The following MYO9A variants were observed in gnomAD, a reference collection of about 807,000 sequenced individuals.
The protein encoded by MYO9A is myosin IXA.
A neutral mutation model predicts 293.3 loss-of-function variants in MYO9A; 103 were observed. That is an observed-to-expected ratio of 0.35 (90% CI 0.30 to 0.41). The LOEUF is 0.41. Among genes scored for constraint, MYO9A ranks in the 10% least tolerant of loss-of-function variants. The pLI is 1.00. For synonymous variants in MYO9A, 1,001 were observed against 1,035.7 expected (o/e 0.97, Z 0.64); for missense variants, 2,685 against 3,033.0 (o/e 0.89, Z 2.69).
intron 18 of MYO9A, 102 bp downstream of exon 18, chr15:71,933,568 A>G: frequency 9.1e-7 from 1 of 1,098,882 alleles, no homozygotes; most frequent in Non-Finnish European, 1.4e-6. Flanking sequence ...TTGGATACAA[A>G]TAAGGTTATT....
chr15:72,071,668 T>C (rs533071241), intron 1 of MYO9A, among the ~76,000 whole-genome samples: 1 of 151,854 alleles, frequency 6.6e-6, no homozygotes, highest in African/African-American at 2.4e-5. Flanking sequence ...GGCAGGAAAA[T>C]TGCTTAAGCC....
At chr15:71,965,183 T>C (rs893994191) in intron 13 of MYO9A, among the ~76,000 whole-genome samples, 2 of 152,002 alleles carry the variant, frequency 1.3e-5, no homozygotes, top group African/African-American at 2.4e-5. Flanking sequence ...CAGAAGAGTT[T>C]TGCTTAGTTT....
At chr15:71,893,242 G>A (rs549678541) in intron 26 of MYO9A, 1 of 1,160,178 alleles carries the variant, frequency 8.6e-7, no homozygotes, top group African/African-American at 1.6e-5. Context: ...TTTTTGAGAT[G>A]ATGCCAATGA....
intron 1 of MYO9A, among the ~76,000 whole-genome samples, chr15:72,083,049 A>AG (rs2079601657): frequency 6.6e-6 from 1 of 151,914 alleles, no homozygotes; most frequent in African/African-American, 2.4e-5. Context: ...TGAGTTAAGG[A>AG]GGGGTCCCTC....
At chr15:71,939,113 T>G in intron 15 of MYO9A, 186 bp from the exon 16 acceptor site, 1 of 495,766 alleles carries the variant, frequency 2.0e-6, no homozygotes, top group Non-Finnish European at 3.5e-6. Context: ...TGAACCCAAT[T>G]AGAAAATTTA....
In MYO9A at chr15:72,003,285, T is replaced by TA. The variant is rs564320687; in HGVS notation, c.1381-3346dup. Among the ~76,000 whole-genome samples the TA allele has an allele frequency of 9.3e-3, 1,097 of 117,700 alleles. 9 individuals are homozygous for TA. Among genetic ancestry groups the TA allele is most frequent in the African/African-American group, 0.031 (989 of 31,890 alleles). 77.2% of individuals were successfully genotyped at this position (117,700 alleles called of 152,430 possible). A position where few individuals can be genotyped will look rare whatever the true frequency, so the allele number is the denominator to read the frequency against. ...ATACCGTCTCAAAAAAAAAAAAAAG[T>TA]AAAAAAAAAATAAAAGACAAATCTC... is the stretch of plus-strand genomic sequence containing the variant. On this transcript the variant is annotated intron_variant, in intron 8 of 41. Transcript: ENST00000356056.
At chr15:71,848,742 T>TA in intron 39 of MYO9A, 103 bp downstream of exon 39, 1 of 1,351,522 alleles carries the variant, frequency 7.4e-7, no homozygotes, top group Non-Finnish European at 9.8e-7. Context: ...ACTTGTTTTT[T>TA]ATAAAAAAGA....
intron 1 of MYO9A, among the ~76,000 whole-genome samples, chr15:72,057,441 ACT>A (rs1416467883): frequency 2.6e-5 from 4 of 152,158 alleles, no homozygotes; most frequent in African/African-American, 9.7e-5. Flanking sequence ...CTTCAAAATT[ACT>A]GTTTTCCTTT....
intron 2 of MYO9A, among the ~76,000 whole-genome samples, chr15:72,034,289 C>G (rs985934077): frequency 2.0e-5 from 3 of 152,154 alleles, no homozygotes; most frequent in African/African-American, 7.2e-5. Context: ...TATAAAACCC[C>G]CTTCGAGTGG....
chr15:72,077,142 G>A (rs1047816880), intron 1 of MYO9A, among the ~76,000 whole-genome samples: 5 of 152,152 alleles, frequency 3.3e-5, no homozygotes, highest in Non-Finnish European at 7.3e-5. Flanking sequence ...GACAGCATGG[G>A]GGAAAATCTT....
chr15:72,018,998 C>G, intron 6 of MYO9A, 41 bp downstream of exon 6: 2 of 1,541,262 alleles, frequency 1.3e-6, no homozygotes, highest in Non-Finnish European at 1.8e-6. Context: ...ATGTGAGGAC[C>G]CTTTGACAGA....
chr15:72,080,308 T>TC (rs58794984), intron 1 of MYO9A, among the ~76,000 whole-genome samples: 10 of 61,362 alleles, frequency 1.6e-4, no homozygotes, highest in East Asian at 7.0e-4. Context: ...CATGCTTCTC[T>TC]TTTTTTTTTT....
rs747952172 is a variant in MYO9A at position 72,019,107 on chromosome 15, G to A, written c.1099-12C>T. On this transcript the variant is annotated splice_polypyrimidine_tract_variant and intron_variant, in intron 5 of 41. Coordinates refer to ENST00000356056, the MANE Select transcript of MYO9A (RefSeq NM_006901.4). Reference sequence around the variant, plus strand: ...GGTTTCTTTGTTATCTGAAAGTAAGGCAGATTAGTTAGGTAGAAGTAATGG... The same window carrying A: ...GGTTTCTTTGTTATCTGAAAGTAAGACAGATTAGTTAGGTAGAAGTAATGG... 3 of 1,610,158 alleles carry A rather than the reference G, an allele frequency of 1.9e-6. No individual in the cohort carries two copies. Among genetic ancestry groups the A allele is most frequent in the Admixed American group, 1.7e-5 (1 of 60,002 alleles).
chr15:72,021,831 G>C (rs572135654), intron 4 of MYO9A, among the ~76,000 whole-genome samples: 48 of 152,238 alleles, frequency 3.2e-4, no homozygotes, highest in African/African-American at 1.1e-3. Context: ...AGGGTTGTGT[G>C]TGCTCTCAGA....
intron 1 of MYO9A, among the ~76,000 whole-genome samples, chr15:72,105,578 G>A (rs1193305373): frequency 1.4e-5 from 2 of 147,856 alleles, no homozygotes; most frequent in Non-Finnish European, 3.0e-5. Flanking sequence ...CATGATCTTG[G>A]CTCACCGCAA....
chr15:72,118,083 C>T lies in MYO9A; in HGVS notation c.-475G>A. 1 of 393,550 alleles carries T rather than the reference C, an allele frequency of 2.5e-6. No homozygotes were observed. Among genetic ancestry groups the T allele is most frequent in the Non-Finnish European group, 4.5e-6 (1 of 222,764 alleles). The allele number at this position is 393,550 out of a possible 1,614,324, so 24.4% of individuals were successfully genotyped here. ...GTCCCTTATCCGCTTCGGTCGCGCG[C>T]CCCCGACCCCGCGCACGCGGCCCCG... On this transcript the variant is annotated 5_prime_UTR_variant, in exon 1 of 42. Coordinates refer to ENST00000356056, the MANE Select transcript of MYO9A (RefSeq NM_006901.4).
intron 1 of MYO9A, among the ~76,000 whole-genome samples, chr15:72,100,774 G>A (rs1311255785): frequency 4.0e-5 from 6 of 149,424 alleles, no homozygotes; most frequent in East Asian, 2.0e-4. Flanking sequence ...CAGCTGCCCC[G>A]TCTGAGAAAT....
chr15:72,063,642 G>C (rs1469899931), intron 1 of MYO9A, among the ~76,000 whole-genome samples: 3 of 152,134 alleles, frequency 2.0e-5, no homozygotes, highest in African/African-American at 7.2e-5. Flanking sequence ...TTTTATCCAA[G>C]ACAGACAACA....
chr15:71,951,920 CAAA>C, intron 14 of MYO9A, 24 bp from the exon 15 acceptor site: 1 of 1,308,348 alleles, frequency 7.6e-7, no homozygotes. Context: ...AAAAAACAAA[CAAA>C]AAAAAAAGGA....
Sources: gnomAD v4.1 joint callset for allele counts (sites outside exome capture counted in the v4.1 genomes callset) on GRCh38, gnomAD v4.1.1 for gene constraint, MANE v1.5 for transcripts, NCBI Gene and HGNC (gene_info 2026-07-23, HGNC 2026-07-21) for gene names.